ANKRD44: variants seen among roughly 807,000 people sequenced by gnomAD.
ANKRD44 encodes the protein ankyrin repeat domain 44, also known as serine/threonine-protein phosphatase 6 regulatory ankyrin repeat subunit B.
In ANKRD44, 35 loss-of-function variants were observed where a neutral mutation model predicts 116.0. That is an observed-to-expected ratio of 0.30 (90% confidence interval 0.23 to 0.40). The LOEUF is 0.40. ANKRD44 is among the 10% of genes least tolerant of loss of function. The pLI is 1.00. For synonymous variants in ANKRD44, 435 were observed against 461.8 expected (o/e 0.94, Z 0.74); for missense variants, 1,014 against 1,242.6 (o/e 0.82, Z 2.77).
At position 197,246,527 on chromosome 2, in the gene ANKRD44, A is replaced by T. The variant is rs544654886; in HGVS notation, c.28-59421T>A. 7.9e-5 allele frequency among the ~76,000 whole-genome samples: 12 copies of T among 151,722 alleles called. No homozygotes were observed. The South Asian group carries it at 2.5e-3, about 32-fold the overall frequency. On this transcript the variant is annotated intron_variant, in intron 1 of 27. Coordinates refer to ENST00000282272, the MANE Select transcript of ANKRD44 (RefSeq NM_001195144.2). ...CCTGGATTCTTAAATCATTCTGCCC[A>T]GCCATCCCTACAATGGGACCTTGAA...
chr2:197,170,211 A>C (rs982992088), intron 2 of ANKRD44, among the ~76,000 whole-genome samples: 1 of 128,098 alleles, frequency 7.8e-6, no homozygotes, highest in African/African-American at 2.6e-5. Flanking sequence ...AAAAAAAAAA[A>C]AAACTGGGAG....
chr2:197,276,370 T>C (rs1183834423), intron 1 of ANKRD44, among the ~76,000 whole-genome samples: 2 of 151,726 alleles, frequency 1.3e-5, no homozygotes, highest in African/African-American at 4.8e-5. Context: ...AGAAATGACA[T>C]TCATGATTAA....
intron 24 of ANKRD44, 52 bp from the exon 25 acceptor site, chr2:196,998,471 C>T (rs372798428): frequency 1.5e-6 from 2 of 1,308,300 alleles, no homozygotes; most frequent in African/African-American, 2.9e-5. Context: ...TAATTACATG[C>T]ATTTTGAAGA....
chr2:197,111,305 T>C (rs748183247), intron 8 of ANKRD44, among the ~76,000 whole-genome samples: 36 of 152,322 alleles, frequency 2.4e-4, no homozygotes, highest in Admixed American at 4.6e-4. Context: ...TGGTATTCTT[T>C]AAGCTGAAGC....
At chr2:197,273,282 A>G (rs2082950541) in intron 1 of ANKRD44, among the ~76,000 whole-genome samples, 1 of 152,218 alleles carries the variant, frequency 6.6e-6, no homozygotes, top group South Asian at 2.1e-4. Context: ...ACAAGCTCCT[A>G]CAAACTGGTC....
chr2:197,126,521 T>C (rs2078977804), intron 4 of ANKRD44, among the ~76,000 whole-genome samples: 1 of 152,248 alleles, frequency 6.6e-6, no homozygotes, highest in Admixed American at 6.5e-5. Flanking sequence ...CTTAAAGCTA[T>C]GAGTTGTTTC....
intron 1 of ANKRD44, among the ~76,000 whole-genome samples, chr2:197,300,529 G>T (rs2083870506): frequency 6.6e-6 from 1 of 152,154 alleles, no homozygotes; most frequent in African/African-American, 2.4e-5. Flanking sequence ...TATGCCACAT[G>T]AACTCAATAA....
At chr2:197,036,599 A>G (rs146214214) in intron 16 of ANKRD44, among the ~76,000 whole-genome samples, 1 of 152,336 alleles carries the variant, frequency 6.6e-6, no homozygotes, top group East Asian at 1.9e-4. Context: ...GCTTAGCTAC[A>G]TTAAGTTTCC....
rs982416665 is a variant in ANKRD44, at chr2:197,009,127, C to G, written c.1925-96G>C. 1.4e-5 allele frequency: 14 copies of G among 1,005,502 alleles called. No individual in the cohort carries two copies. The South Asian group carries it at 1.9e-4, about 14-fold the overall frequency. The allele number at this position is 1,005,502 out of a possible 1,614,324, so 62.3% of individuals were successfully genotyped here. ...CTTTTTTTTGAGATGGAGTCTTGCTCTGTCGCCAGGCTGGAGTGCAGTGGG... is the reference window on the plus strand; with the variant it reads ...CTTTTTTTTGAGATGGAGTCTTGCTGTGTCGCCAGGCTGGAGTGCAGTGGG... On this transcript the variant is annotated intron_variant, in intron 18 of 27. Coordinates refer to ENST00000282272, the MANE Select transcript of ANKRD44 (RefSeq NM_001195144.2).
chr2:197,291,844 C>T (rs10176738), intron 1 of ANKRD44, among the ~76,000 whole-genome samples: 3 of 152,140 alleles, frequency 2.0e-5, no homozygotes, highest in Non-Finnish European at 4.4e-5. Flanking sequence ...CCACGACAGG[C>T]CCCAGTGTGT....
rs1559134980 is a variant in ANKRD44, at chr2:197,188,003, G to A, written c.28-897C>T. Among the ~76,000 whole-genome samples the A allele has an allele frequency of 2.0e-5, 3 of 152,142 alleles. No homozygotes were observed. In the South Asian group the frequency reaches 6.2e-4, roughly 32 times the overall value. ...GCTAATGGCCATGTTTCTGGCCACC[G>A]GAACACTTTTGTGTCGGTATTTGGA... On this transcript the variant is annotated intron_variant, in intron 1 of 27. Transcript: ENST00000282272.
At chr2:197,117,109 A>C (rs2078728727) in intron 8 of ANKRD44, among the ~76,000 whole-genome samples, 1 of 152,202 alleles carries the variant, frequency 6.6e-6, no homozygotes, top group African/African-American at 2.4e-5. Context: ...GATTATATAG[A>C]TACTAAAAGT....
intron 1 of ANKRD44, among the ~76,000 whole-genome samples, chr2:197,229,615 A>C (rs529185803): frequency 6.3e-4 from 96 of 152,244 alleles, no homozygotes; most frequent in Non-Finnish European, 1.1e-3. Flanking sequence ...AATATTTATA[A>C]GCACTTATAT....
intron 16 of ANKRD44, among the ~76,000 whole-genome samples, chr2:197,054,465 A>G (rs532950930): frequency 2.5e-4 from 38 of 152,348 alleles, no homozygotes; most frequent in Admixed American, 7.2e-4. Context: ...TTGAAAGGAA[A>G]CATGTCCCCT....
intron 1 of ANKRD44, among the ~76,000 whole-genome samples, chr2:197,224,628 T>G (rs1178580193): frequency 6.6e-6 from 1 of 152,260 alleles, no homozygotes; most frequent in Non-Finnish European, 1.5e-5. Flanking sequence ...CATTTTTGTT[T>G]TATTCATTAT....
intron 4 of ANKRD44, among the ~76,000 whole-genome samples, chr2:197,130,223 C>T (rs752548328): frequency 6.6e-6 from 1 of 152,088 alleles, no homozygotes; most frequent in Non-Finnish European, 1.5e-5. Flanking sequence ...TGGGATTGTT[C>T]CTCTAAAAGT....
At chr2:196,983,531 G>A (rs905888041), downstream of ANKRD44, among the ~76,000 whole-genome samples, 1 of 152,166 alleles carries the variant, frequency 6.6e-6, no homozygotes, top group Admixed American at 6.5e-5. Flanking sequence ...GAGTTTAAAT[G>A]TTAGTAATTC....
intron 24 of ANKRD44, 74 bp downstream of exon 24, chr2:196,998,833 A>C: frequency 6.3e-7 from 1 of 1,576,504 alleles, no homozygotes; most frequent in Non-Finnish European, 8.6e-7. Flanking sequence ...TATGAGAACA[A>C]CTGATTTCTT....
chr2:197,103,073 C>CA (rs1489362309), intron 9 of ANKRD44, among the ~76,000 whole-genome samples: 5 of 151,942 alleles, frequency 3.3e-5, no homozygotes, highest in South Asian at 2.1e-4. Context: ...ACCAAAAACA[C>CA]AAAAAATTAG....
Sources: gnomAD v4.1 joint callset for allele counts (sites outside exome capture counted in the v4.1 genomes callset) on GRCh38, gnomAD v4.1.1 for gene constraint, MANE v1.5 for transcripts, NCBI Gene and HGNC (gene_info 2026-07-23, HGNC 2026-07-21) for gene names.